Variants in DSCAM observed in about 807,000 individuals in gnomAD.
DSCAM encodes the protein cell adhesion molecule DSCAM.
Under a neutral mutation model 217.7 loss-of-function variants are expected in DSCAM, and 47 were observed. That is an observed-to-expected ratio of 0.22 (90% CI 0.17 to 0.28). The LOEUF (loss-of-function observed/expected upper bound fraction) is 0.28, where lower values mean the gene tolerates loss of function less well. Ranked by LOEUF, DSCAM falls within the 10% of genes least tolerant of loss-of-function variation. The probability of loss-of-function intolerance (pLI) is 1.00; values close to 1 mark genes in which losing one functional copy is unlikely to be tolerated. For missense variants in DSCAM, 2,080 were observed against 2,618.3 expected (o/e 0.79, Z 4.49); for synonymous variants, 1,056 against 1,015.3 (o/e 1.04, Z -0.76).
chr21:40,685,886 G>T (rs927049325), intron 3 of DSCAM, among the ~76,000 whole-genome samples: 19 of 152,096 alleles, frequency 1.2e-4, no homozygotes, highest in African/African-American at 4.6e-4. Context: ...TGTATTGTGG[G>T]AGAGGACTAG....
intron 1 of DSCAM, among the ~76,000 whole-genome samples, chr21:40,781,992 C>CAAAAAAAAA (rs57750960): frequency 1.5e-3 from 154 of 106,202 alleles, no homozygotes; most frequent in East Asian, 2.3e-3. Context: ...ACTAAAAATA[C>CAAAAAAAAA]AAAAAAAAAA....
intron 3 of DSCAM, among the ~76,000 whole-genome samples, chr21:40,598,497 GTTTTTTTTTTTTT>G (rs71186947): frequency 1.5e-5 from 1 of 66,790 alleles, no homozygotes. Flanking sequence ...CTGCCAAACT[GTTTTTTTTTTTTT>G]TTTTTTTTTT....
intron 4 of DSCAM, among the ~76,000 whole-genome samples, chr21:40,359,823 G>A (rs2074737950): frequency 6.6e-6 from 1 of 152,154 alleles, no homozygotes; most frequent in South Asian, 2.1e-4. Flanking sequence ...ACGGGTAGGA[G>A]GAATCTTTTG....
chr21:40,367,932 C>T (rs1003425933), intron 4 of DSCAM, among the ~76,000 whole-genome samples: 3 of 151,974 alleles, frequency 2.0e-5, no homozygotes, highest in African/African-American at 7.3e-5. Context: ...TGAATCACTC[C>T]AAAACAAAAA....
chr21:40,518,154 T>G (rs574966544), intron 3 of DSCAM, among the ~76,000 whole-genome samples: 1 of 149,274 alleles, frequency 6.7e-6, no homozygotes, highest in Non-Finnish European at 1.5e-5. Context: ...ACAGAGTGAA[T>G]AGCCGATATT....
rs570673461 is a variant in DSCAM, at chr21:40,707,317, T to C, written c.361+1137A>G. On this transcript the variant is annotated intron_variant, in intron 2 of 32. Transcript: ENST00000400454. ...AGAGGTCCCTATACAAATTGCATTG[T>C]AATTATTTGACACATCAAATTTTCA... Among the ~76,000 whole-genome samples, 15 of 152,360 alleles carry C rather than the reference T, an allele frequency of 9.8e-5. No individual in the cohort carries two copies. In the East Asian group the frequency reaches 2.9e-3, roughly 29 times the overall value.
chr21:40,272,677 C>A (rs913315336), intron 11 of DSCAM, among the ~76,000 whole-genome samples: 4 of 152,126 alleles, frequency 2.6e-5, no homozygotes, highest in Non-Finnish European at 5.9e-5. Context: ...ACAGCCAGCA[C>A]CAGGCCATCC....
At chr21:40,630,312 T>C (rs2089672009) in intron 3 of DSCAM, among the ~76,000 whole-genome samples, 1 of 152,214 alleles carries the variant, frequency 6.6e-6, no homozygotes, top group African/African-American at 2.4e-5. Context: ...TTAAATGGTG[T>C]ATAGTCAACA....
intron 3 of DSCAM, among the ~76,000 whole-genome samples, chr21:40,462,522 T>C (rs7409930): frequency 0.36 from 54,307 of 151,880 alleles, 10,964 homozygotes; most frequent in African/African-American, 0.54. Context: ...TTTAAAAAAT[T>C]TTCACATCTT....
chr21:40,099,544 G>C (rs1224033380), intron 20 of DSCAM, among the ~76,000 whole-genome samples: 1 of 152,146 alleles, frequency 6.6e-6, no homozygotes, highest in Non-Finnish European at 1.5e-5. Flanking sequence ...CTTAGTAGAA[G>C]GGCAAGCAGA....
intron 8 of DSCAM, among the ~76,000 whole-genome samples, chr21:40,332,451 A>G (rs997847203): frequency 2.0e-5 from 3 of 152,200 alleles, no homozygotes; most frequent in Admixed American, 6.5e-5. Context: ...GGTGACACAG[A>G]TGAAAGTGTT....
chr21:40,845,071 T>A (rs1162434117), intron 1 of DSCAM, among the ~76,000 whole-genome samples: 3 of 152,112 alleles, frequency 2.0e-5, no homozygotes, highest in Admixed American at 2.0e-4. Flanking sequence ...CCCCGACACA[T>A]CTCCGCATGT....
At chr21:40,137,456 G>A (rs1305464880) in intron 18 of DSCAM, among the ~76,000 whole-genome samples, 2 of 152,032 alleles carry the variant, frequency 1.3e-5, no homozygotes. Flanking sequence ...AGATATGGAA[G>A]AAATAAAAAG....
chr21:40,164,182 C>T (rs749216550), intron 16 of DSCAM, among the ~76,000 whole-genome samples: 3 of 152,176 alleles, frequency 2.0e-5, no homozygotes, highest in Non-Finnish European at 4.4e-5. Flanking sequence ...CAATGGGTAA[C>T]ATAGAGGGTG....
chr21:40,249,132 G>A (rs115937100), intron 11 of DSCAM, among the ~76,000 whole-genome samples: 2,809 of 152,250 alleles, frequency 0.018, 93 homozygotes, highest in African/African-American at 0.063. Flanking sequence ...TCATACCAAT[G>A]AACATCAGTT....
chr21:40,065,025 T>C (rs2089185399), intron 27 of DSCAM, among the ~76,000 whole-genome samples: 1 of 152,030 alleles, frequency 6.6e-6, no homozygotes, highest in Non-Finnish European at 1.5e-5. Context: ...CTCTGGGCAT[T>C]AGAGAAGAGA....
intron 3 of DSCAM, among the ~76,000 whole-genome samples, chr21:40,529,816 G>A (rs191871310): frequency 3.0e-3 from 454 of 151,906 alleles, no homozygotes; most frequent in South Asian, 6.0e-3. Context: ...TCTATCCCTC[G>A]GGTATCCCTC....
intron 23 of DSCAM, among the ~76,000 whole-genome samples, chr21:40,085,335 A>G (rs1327409081): frequency 6.6e-6 from 1 of 152,220 alleles, no homozygotes; most frequent in Non-Finnish European, 1.5e-5. Context: ...TTTTTTAGAC[A>G]TGTACACATA....
chr21:40,423,962 T>C (rs1852448684), intron 3 of DSCAM, among the ~76,000 whole-genome samples: 1 of 152,206 alleles, frequency 6.6e-6, no homozygotes, highest in African/African-American at 2.4e-5. Flanking sequence ...TTCCTCACTT[T>C]CCTATTATCC....
Sources: allele counts gnomAD v4.1 joint callset (sites outside exome capture counted in the v4.1 genomes callset), GRCh38; gene constraint gnomAD v4.1.1; transcripts MANE v1.5; gene names NCBI Gene and HGNC (gene_info 2026-07-23, HGNC 2026-07-21).